KANSL1: variants seen among roughly 807,000 people sequenced by gnomAD.
The protein encoded by KANSL1 is KAT8 regulatory NSL complex subunit 1.
KANSL1 carries 22 observed loss-of-function variants against 103.6 expected under a neutral mutation model. The observed-to-expected ratio is 0.21, with a 90% CI of 0.15 to 0.30. The LOEUF is 0.30. Among genes scored for constraint, KANSL1 ranks in the 10% least tolerant of loss-of-function variants. KANSL1 has a pLI of 1.00. For synonymous variants in KANSL1, 600 were observed against 527.6 expected, an observed-to-expected ratio of 1.14 and a Z score of -1.88; for missense variants, 1,337 against 1,399.8, an observed-to-expected ratio of 0.96 and a Z score of 0.72.
chr17:46,074,170 A>G (rs2078676110), intron 4 of KANSL1, among the ~76,000 whole-genome samples: 1 of 152,220 alleles, frequency 6.6e-6, no homozygotes, highest in African/African-American at 2.4e-5. Flanking sequence ...GGAACCTGGA[A>G]CATCTAGTAT....
chr17:46,064,333 C>T (rs1029140787), intron 6 of KANSL1, among the ~76,000 whole-genome samples: 2 of 152,190 alleles, frequency 1.3e-5, no homozygotes, highest in African/African-American at 4.8e-5. Context: ...ATTCTCTCAT[C>T]TCCCTTATTT....
chr17:46,064,550 C>T (rs767561781), intron 6 of KANSL1, among the ~76,000 whole-genome samples: 5 of 152,190 alleles, frequency 3.3e-5, no homozygotes, highest in African/African-American at 9.7e-5. Flanking sequence ...AACAACCCCA[C>T]CCCACTAAAT....
At chr17:46,080,609 C>T (rs1481123454) in intron 4 of KANSL1, among the ~76,000 whole-genome samples, 1 of 152,098 alleles carries the variant, frequency 6.6e-6, no homozygotes, top group Non-Finnish European at 1.5e-5. Flanking sequence ...AAATATTTGG[C>T]ATTTTAAAAA....
At chr17:46,164,663 T>G (rs1029435840) in intron 2 of KANSL1, among the ~76,000 whole-genome samples, 2 of 152,252 alleles carry the variant, frequency 1.3e-5, no homozygotes, top group African/African-American at 4.8e-5. Context: ...ACCTGTTTTG[T>G]TTCAACTTAT....
intron 2 of KANSL1, among the ~76,000 whole-genome samples, chr17:46,107,533 T>C (rs534301989): frequency 7.9e-4 from 121 of 152,368 alleles, no homozygotes; most frequent in African/African-American, 1.5e-3. Flanking sequence ...TATTGTCTTT[T>C]TGAATTCCTT....
intron 3 of KANSL1, 139 bp from the exon 4 acceptor site, chr17:46,082,681 G>C (rs931506683): frequency 1.1e-5 from 5 of 470,026 alleles, no homozygotes; most frequent in African/African-American, 1.0e-4. Flanking sequence ...ACAAACTACA[G>C]CAGCAGCAGC....
At chr17:46,064,564 A>G (rs906458346) in intron 6 of KANSL1, among the ~76,000 whole-genome samples, 13 of 152,072 alleles carry the variant, frequency 8.5e-5, no homozygotes, top group Non-Finnish European at 1.6e-4. Context: ...ACTAAATTCA[A>G]TGGTCTCAAT....
chr17:46,036,724 C>CT (rs67718920), intron 10 of KANSL1, among the ~76,000 whole-genome samples: 2,252 of 145,626 alleles, frequency 0.015, 30 homozygotes, highest in South Asian at 0.053. Context: ...TATCTTCTTT[C>CT]TTTTTTTTTT....
At chr17:46,059,476 G>A (rs2078068050) in intron 6 of KANSL1, among the ~76,000 whole-genome samples, 1 of 151,672 alleles carries the variant, frequency 6.6e-6, no homozygotes, top group Non-Finnish European at 1.5e-5. Context: ...AAAATTAGCT[G>A]GGCATGGTAG....
At chr17:46,164,901 C>G (rs1304892516) in intron 2 of KANSL1, among the ~76,000 whole-genome samples, 2 of 152,182 alleles carry the variant, frequency 1.3e-5, no homozygotes, top group African/African-American at 4.8e-5. Flanking sequence ...ACTTGGGTAT[C>G]CTGGCTGATG....
intron 2 of KANSL1, among the ~76,000 whole-genome samples, chr17:46,166,215 A>C (rs1213087866): frequency 2.7e-5 from 4 of 147,148 alleles, no homozygotes; most frequent in Non-Finnish European, 4.5e-5. Context: ...CTCTGTCTCA[A>C]AAAAAAAAAA....
rs1357563879 is a variant in KANSL1, at chr17:46,061,208, A to G, written c.1848+5329T>C. On this transcript the variant is annotated intron_variant, in intron 6 of 14. Coordinates refer to ENST00000432791, the MANE Select transcript of KANSL1 (RefSeq NM_015443.4). ...AGTAAATTGAGAATGAGAACAATGC[A>G]GTAAATTATTAATAAAACTACATTC... Among the ~76,000 whole-genome samples the G allele has an allele frequency of 3.9e-5, 6 of 152,356 alleles. No homozygotes were observed. In the East Asian group the frequency reaches 5.8e-4, roughly 15 times the overall value.
intron 4 of KANSL1, among the ~76,000 whole-genome samples, chr17:46,068,564 G>GT (rs2078464212): frequency 6.6e-6 from 1 of 152,050 alleles, no homozygotes; most frequent in Admixed American, 6.6e-5. Context: ...GTGAGACCCT[G>GT]TCTCAATGAA....
Position 46,038,551 on chromosome 17 carries a change from G to A in KANSL1, c.2528C>T (p.Thr843Ile). Residue 843 changes from threonine to isoleucine, a missense_variant, in exon 10 of 15, where the codon ACA becomes ATA. Thr to Ile is a moderately conservative substitution (Grantham distance 89). Coordinates refer to ENST00000432791, the MANE Select transcript of KANSL1 (RefSeq NM_015443.4). ...PAPASSSSQV[T>I]ASTSQQPVRR... ...ACAGGTACTTACCGATGTGCTGGCT[G>A]TAACCTGTGAGCTAGAGCTGGCGGG... 1 of 1,614,084 alleles carries A rather than the reference G, an allele frequency of 6.2e-7. No homozygotes were observed. The highest frequency in any genetic ancestry group is 8.5e-7 in the Non-Finnish European group (1 of 1,179,984).
chr17:46,135,563 A>G (rs1454220306), intron 2 of KANSL1, among the ~76,000 whole-genome samples: 3 of 77,022 alleles, frequency 3.9e-5, no homozygotes, highest in Non-Finnish European at 9.0e-5. Flanking sequence ...TTTTTTTTTG[A>G]GACAGAGTCT....
intron 1 of KANSL1, among the ~76,000 whole-genome samples, chr17:46,210,494 A>G (rs368408421): frequency 0.2 from 953 of 4,782 alleles, 11 homozygotes; most frequent in Non-Finnish European, 0.22. Flanking sequence ...AAAAAAAAAA[A>G]AAAAAAAAGA....
intron 2 of KANSL1, among the ~76,000 whole-genome samples, chr17:46,107,319 T>C (rs1402676510): frequency 1.3e-5 from 2 of 152,242 alleles, no homozygotes; most frequent in African/African-American, 4.8e-5. Flanking sequence ...CTCTTCTCAC[T>C]GTTTCTTTAA....
At chr17:46,139,082 G>A (rs2044291867) in intron 2 of KANSL1, among the ~76,000 whole-genome samples, 1 of 152,126 alleles carries the variant, frequency 6.6e-6, no homozygotes, top group East Asian at 1.9e-4. Context: ...AAAAAGGAAG[G>A]CAGAAAAATG....
chr17:46,152,020 T>TA (rs148468188), intron 2 of KANSL1, among the ~76,000 whole-genome samples: 2,969 of 152,306 alleles, frequency 0.019, 96 homozygotes, highest in African/African-American at 0.066. Context: ...ACAGGACTTC[T>TA]AAAAAATTAC....
Sources: gnomAD v4.1 joint callset for allele counts (sites outside exome capture counted in the v4.1 genomes callset) on GRCh38, gnomAD v4.1.1 for gene constraint, MANE v1.5 for transcripts, NCBI Gene and HGNC (gene_info 2026-07-23, HGNC 2026-07-21) for gene names.